The following MYH16 variants were observed in gnomAD, a reference collection of about 807,000 sequenced individuals.
MYH16 encodes the protein putative uncharacterized protein MYH16.
chr7:99,291,113 G>GC (rs1792367383), intron 30 of MYH16: 1 of 285,136 alleles, frequency 3.5e-6, no homozygotes, highest in Non-Finnish European at 6.9e-6. Context: ...CAGGTTACCT[G>GC]GATCTTGGCA....
At chr7:99,302,638 T>C (rs995016075) in intron 38 of MYH16, among the ~76,000 whole-genome samples, 3 of 152,012 alleles carry the variant, frequency 2.0e-5, no homozygotes, top group African/African-American at 7.2e-5. Context: ...CCCAGCACTA[T>C]GGGAGGCAGA....
intron 2 of MYH16, among the ~76,000 whole-genome samples, chr7:99,244,328 A>G (rs1255515302): frequency 6.6e-6 from 1 of 152,242 alleles, no homozygotes; most frequent in Non-Finnish European, 1.5e-5. Flanking sequence ...TTTGTCTGAC[A>G]TGATGACCAG....
rs1311228683 is a variant in MYH16 at position 99,283,655 on chromosome 7, A to G, written n.3079+4A>G. 2.2e-6 allele frequency: 1 copy of G among 456,684 alleles called. No homozygotes were observed. Among genetic ancestry groups the G allele is most frequent in the Non-Finnish European group, 4.4e-6 (1 of 226,984 alleles). 28.3% of individuals were successfully genotyped at this position (456,684 alleles called of 1,614,324 possible). Reference sequence around the variant, plus strand: ...GCTGAGCACGCAGATCCATGAGGTAATACCCATTGCTGTGGCCACCTCTAC... The same window carrying G: ...GCTGAGCACGCAGATCCATGAGGTAGTACCCATTGCTGTGGCCACCTCTAC... On this transcript the variant is annotated splice_donor_region_variant and intron_variant and non_coding_transcript_variant, in intron 24 of 41. Transcript: ENST00000439784.
At chr7:99,276,196 A>G (rs1352099789) in intron 20 of MYH16, among the ~76,000 whole-genome samples, 1 of 152,188 alleles carries the variant, frequency 6.6e-6, no homozygotes, top group Non-Finnish European at 1.5e-5. Flanking sequence ...GGTTACTGCA[A>G]CCTTTTCATG....
chr7:99,267,815 GC>G (rs1346684357), intron 18 of MYH16, among the ~76,000 whole-genome samples: 1 of 152,090 alleles, frequency 6.6e-6, no homozygotes, highest in Non-Finnish European at 1.5e-5. Context: ...TAGCCGCCCT[GC>G]CCCCCACAAC....
At chr7:99,291,861 A>T (rs1792385161) in intron 31 of MYH16, among the ~76,000 whole-genome samples, 1 of 152,058 alleles carries the variant, frequency 6.6e-6, no homozygotes, top group South Asian at 2.1e-4. Flanking sequence ...TGGGAGGCCG[A>T]CACAGGTGGA....
At chr7:99,310,846 A>C (rs1194911594), downstream of MYH16, 1 of 152,222 alleles carries the variant, frequency 6.6e-6, no homozygotes, top group Non-Finnish European at 1.5e-5. Flanking sequence ...GCAAGCCAGG[A>C]AGAGACAGGT....
At chr7:99,250,072 G>A (rs1490108473) in exon 5 of MYH16, 1 of 152,790 alleles carries the variant, frequency 6.5e-6, no homozygotes, top group East Asian at 1.9e-4. Context: ...CCACAGATAA[G>A]AAGGTAGAGC....
At chr7:99,274,311 T>TGGGCACCAGAAGAGGGAGTC (rs750441551) in intron 20 of MYH16, among the ~76,000 whole-genome samples, 82 of 152,252 alleles carry the variant, frequency 5.4e-4, no homozygotes, top group Admixed American at 1.0e-3. Context: ...GACATGTCTC[T>TGGGCACCAGAAGAGGGAGTC]GGGCACCAGA....
exon 29 of MYH16, chr7:99,288,061 TAGAGAAA>T (rs1352686809): frequency 2.2e-6 from 1 of 456,678 alleles, no homozygotes; most frequent in South Asian, 1.5e-5. Flanking sequence ...AAGTCCAAGC[TAGAGAAA>T]GATAAACAGG....
chr7:99,291,602 G>A (rs566233385), intron 31 of MYH16, among the ~76,000 whole-genome samples, 152 bp downstream of exon 12: 2 of 144,894 alleles, frequency 1.4e-5, no homozygotes, highest in East Asian at 2.0e-4. Context: ...AGACCAGCCC[G>A]AACAACACAG....
intron 21 of MYH16, among the ~76,000 whole-genome samples, chr7:99,277,914 TGTGAGA>T (rs1457442089): frequency 3.0e-5 from 4 of 131,360 alleles, no homozygotes; most frequent in Non-Finnish European, 4.7e-5. Flanking sequence ...TGTGTGTGTG[TGTGAGA>T]GAGAGAGAGA....
At chr7:99,255,224 G>T (rs1185261142) in intron 8 of MYH16, among the ~76,000 whole-genome samples, 1 of 152,112 alleles carries the variant, frequency 6.6e-6, no homozygotes, top group African/African-American at 2.4e-5. Flanking sequence ...GGCCGAGATT[G>T]CGCCACCACA....
chr7:99,304,388 C>T (rs545556382), intron 39 of MYH16, among the ~76,000 whole-genome samples, 198 bp from the exon 21 acceptor site: 6 of 152,250 alleles, frequency 3.9e-5, no homozygotes, highest in African/African-American at 1.4e-4. Flanking sequence ...ATGAGCTTGG[C>T]TCCCCCTCCC....
chr7:99,287,850 G>A (rs1792302245), intron 28 of MYH16, 42 bp from the exon 10 acceptor site: 1 of 441,018 alleles, frequency 2.3e-6, no homozygotes, highest in Non-Finnish European at 4.6e-6. Flanking sequence ...GGAAAAGGCT[G>A]GCACTGGCCA....
At chr7:99,302,205 G>A (rs569267982) in intron 38 of MYH16, among the ~76,000 whole-genome samples, 1 of 151,580 alleles carries the variant, frequency 6.6e-6, no homozygotes, top group South Asian at 2.1e-4. Context: ...TCAGGAGGCT[G>A]AAGCAGGAGA....
rs752211552 is a variant in MYH16 at position 99,291,462 on chromosome 7, C to T, written n.3952+12C>T. 11 of 456,010 alleles carry T rather than the reference C, an allele frequency of 2.4e-5. No individual in the cohort carries two copies. Among genetic ancestry groups the T allele is most frequent in the Admixed American group, 1.4e-4 (6 of 42,490 alleles). 28.2% of individuals were successfully genotyped at this position (456,010 alleles called of 1,614,324 possible). ...ATGAAGAGTCAAAGGTTTGTTTGGACGTGGGGTTGCGGTGGAGACAGAGCT... is the reference window on the plus strand; with the variant it reads ...ATGAAGAGTCAAAGGTTTGTTTGGATGTGGGGTTGCGGTGGAGACAGAGCT... On this transcript the variant is annotated intron_variant and non_coding_transcript_variant, in intron 31 of 41. Coordinates refer to ENST00000439784, the Ensembl canonical transcript of MYH16.
intron 39 of MYH16, among the ~76,000 whole-genome samples, chr7:99,303,549 C>T (rs902965625): frequency 6.6e-6 from 1 of 151,898 alleles, no homozygotes; most frequent in Non-Finnish European, 1.5e-5. Flanking sequence ...GCTTGTAATC[C>T]CAGCACTTTG....
At chr7:99,300,429 T>C (rs796689990) in intron 37 of MYH16, among the ~76,000 whole-genome samples, 3 of 152,310 alleles carry the variant, frequency 2.0e-5, no homozygotes, top group African/African-American at 7.2e-5. Context: ...CTTTACAGTA[T>C]ACATGGCTGG....
Sources: gnomAD v4.1 joint callset for allele counts (sites outside exome capture counted in the v4.1 genomes callset) on GRCh38, gnomAD v4.1.1 for gene constraint, MANE v1.5 for transcripts, NCBI Gene and HGNC (gene_info 2026-07-23, HGNC 2026-07-21) for gene names.